GNB1L: variants seen among roughly 807,000 people sequenced by gnomAD.
GNB1L encodes the protein G protein subunit beta 1 like.
GNB1L carries 20 observed loss-of-function variants against 29.1 expected under a neutral mutation model. That is an observed-to-expected ratio of 0.69 (90% CI 0.48 to 1.00). The LOEUF (loss-of-function observed/expected upper bound fraction) is 1.00. Among genes scored for constraint, GNB1L ranks in the 50% least tolerant of loss-of-function variants. The pLI is 0.00. For missense variants in GNB1L, 421 were observed against 464.9 expected, an observed-to-expected ratio of 0.91 and a Z score of 0.87; for synonymous variants, 193 against 206.5, an observed-to-expected ratio of 0.93 and a Z score of 0.56.
At chr22:19,822,861 G>A (rs562404914) in intron 2 of GNB1L, among the ~76,000 whole-genome samples, 9 of 152,298 alleles carry the variant, frequency 5.9e-5, no homozygotes, top group South Asian at 2.1e-4. Context: ...CACTGCCACC[G>A]CCAAGCCCTG....
intron 2 of GNB1L, chr22:19,847,893 T>C (rs924997489): frequency 4.1e-6 from 4 of 979,946 alleles, no homozygotes; most frequent in African/African-American, 3.5e-5. Flanking sequence ...GAATATGTAC[T>C]GGCATAAAGA....
At chr22:19,811,238 G>A (rs1275768238) in intron 5 of GNB1L, among the ~76,000 whole-genome samples, 1 of 152,160 alleles carries the variant, frequency 6.6e-6, no homozygotes, top group Non-Finnish European at 1.5e-5. Flanking sequence ...AAGACAGAAC[G>A]ACTCTCCTTG....
chr22:19,818,419 AG>A (rs1277766765), intron 4 of GNB1L, among the ~76,000 whole-genome samples: 1 of 152,234 alleles, frequency 6.6e-6, no homozygotes, highest in Non-Finnish European at 1.5e-5. Context: ...ACCCACTCTG[AG>A]GCCCCCTGCA....
rs78772319 is a variant in GNB1L, at chr22:19,832,414, G to A, written c.-20-11039C>T. ...CAGCCGGGTTTTGGAGGAAAGCAAA[G>A]CTTAGGACAGTGACCTACACAGAGA... On this transcript the variant is annotated intron_variant, in intron 2 of 7. Coordinates refer to ENST00000329517, the MANE Select transcript of GNB1L (RefSeq NM_053004.3). Among the ~76,000 whole-genome samples the A allele has an allele frequency of 1.4e-3, 220 of 152,310 alleles. 1 individual carries two copies. The highest frequency in any genetic ancestry group is 5.0e-3 in the African/African-American group (208 of 41,556).
chr22:19,821,211 G>A lies in GNB1L; in HGVS notation c.128+17C>T, dbSNP rs1388570265. 1 of 1,601,656 alleles carries A rather than the reference G, an allele frequency of 6.2e-7. No homozygotes were observed. ...CTTGGCCCTGGGTGGCCTGGGGCTG[G>A]GGCCACAGCTACTCACCCTGAGAAG... On this transcript the variant is annotated intron_variant, in intron 3 of 7. Coordinates refer to ENST00000329517, the MANE Select transcript of GNB1L (RefSeq NM_053004.3).
intron 2 of GNB1L, among the ~76,000 whole-genome samples, chr22:19,839,423 T>C (rs1368172207): frequency 3.3e-5 from 5 of 152,110 alleles, no homozygotes; most frequent in Non-Finnish European, 5.9e-5. Context: ...CCCTACAGTG[T>C]ACATATATAC....
intron 4 of GNB1L, 109 bp from the exon 5 acceptor site, chr22:19,812,556 G>T: frequency 1.9e-6 from 2 of 1,068,826 alleles, no homozygotes; most frequent in Non-Finnish European, 2.7e-6. Flanking sequence ...AGTGGGTGCC[G>T]TGAGCTTGGA....
chr22:19,792,218 CA>C (rs2145860325), intron 7 of GNB1L: 2 of 605,054 alleles, frequency 3.3e-6, no homozygotes, highest in South Asian at 4.1e-5. Flanking sequence ...AGATGTTGAA[CA>C]TATCAGATAA....
intron 6 of GNB1L, among the ~76,000 whole-genome samples, chr22:19,803,166 GCCATGC>G (rs2145868702): frequency 6.6e-6 from 1 of 152,328 alleles, no homozygotes; most frequent in African/African-American, 2.4e-5. Flanking sequence ...GGAGGGGATG[GCCATGC>G]CAGGGACAGA....
Position 19,821,291 on chromosome 22 carries a change from G to C in GNB1L, c.65C>G (p.Pro22Arg). 1 of 1,613,016 alleles carries C rather than the reference G, an allele frequency of 6.2e-7. No homozygotes were observed. The highest frequency in any genetic ancestry group is 8.5e-7 in the Non-Finnish European group (1 of 1,179,502). ...TTCGCAGAAGTGCAGCGCATGCACC[G>C]GTGACTGGGTGCCTCGGAGGACAAA... Reference protein sequence around the residue: ...PQFVLRGTQSPVHALHFCEGA... With the variant: ...PQFVLRGTQSRVHALHFCEGA... Residue 22 changes from proline to arginine, a missense_variant, in exon 3 of 8, where the codon CCG becomes CGG. Coordinates refer to ENST00000329517, the MANE Select transcript of GNB1L (RefSeq NM_053004.3).
At chr22:19,851,745 G>A in intron 2 of GNB1L, 2 of 1,609,436 alleles carry the variant, frequency 1.2e-6, no homozygotes, top group Non-Finnish European at 1.7e-6. Context: ...TTGAGATCCT[G>A]GCAGAAGAGC....
intron 5 of GNB1L, among the ~76,000 whole-genome samples, chr22:19,809,364 C>T (rs1937472757): frequency 6.6e-6 from 1 of 152,096 alleles, no homozygotes; most frequent in Non-Finnish European, 1.5e-5. Flanking sequence ...AAACCATCTC[C>T]CTTCTGGCTC....
chr22:19,845,621 C>T (rs750362405), intron 2 of GNB1L, among the ~76,000 whole-genome samples: 1 of 152,216 alleles, frequency 6.6e-6, no homozygotes, highest in Non-Finnish European at 1.5e-5. Flanking sequence ...AATGAGAACA[C>T]CCCACAGGCC....
intron 2 of GNB1L, chr22:19,851,381 T>C (rs1021754495): frequency 4.5e-5 from 72 of 1,613,916 alleles, no homozygotes; most frequent in Non-Finnish European, 5.8e-5. Flanking sequence ...GGGGGCTGCC[T>C]CCTCTGGCTG....
intron 2 of GNB1L, among the ~76,000 whole-genome samples, chr22:19,842,504 G>A (rs534214083): frequency 8.5e-4 from 129 of 152,226 alleles, no homozygotes; most frequent in Non-Finnish European, 1.6e-3. Context: ...CAGGACGGGG[G>A]TGGGAGCAGC....
chr22:19,801,947 T>C (rs1937377065), intron 7 of GNB1L, 54 bp downstream of exon 7: 16 of 1,366,874 alleles, frequency 1.2e-5, no homozygotes, highest in Non-Finnish European at 1.0e-6. Flanking sequence ...TTTCAGCCTA[T>C]CAGACTGTTA....
intron 2 of GNB1L, chr22:19,847,527 A>C (rs1009747261): frequency 1.0e-6 from 1 of 985,298 alleles, no homozygotes; most frequent in Admixed American, 6.1e-5. Context: ...CAGCTCAAAA[A>C]GGTCAGGTAA....
chr22:19,849,812 G>A (rs1938052383), intron 2 of GNB1L: 2 of 985,402 alleles, frequency 2.0e-6, no homozygotes, highest in African/African-American at 3.5e-5. Context: ...ACCTGAAAGG[G>A]ACTTGAACTT....
intron 2 of GNB1L, among the ~76,000 whole-genome samples, chr22:19,845,642 C>T (rs1937944833): frequency 6.6e-6 from 1 of 152,216 alleles, no homozygotes; most frequent in East Asian, 1.9e-4. Flanking sequence ...TGGGCTCTTC[C>T]TTGGCCAGCC....
Sources: gnomAD v4.1 joint callset for allele counts (sites outside exome capture counted in the v4.1 genomes callset) on GRCh38, gnomAD v4.1.1 for gene constraint, MANE v1.5 for transcripts, NCBI Gene and HGNC (gene_info 2026-07-23, HGNC 2026-07-21) for gene names.